The following AK4 variants were observed in gnomAD, a reference collection of about 807,000 sequenced individuals.
AK4 encodes the protein adenylate kinase 4, mitochondrial.
In AK4, 13 loss-of-function variants were observed where a neutral mutation model predicts 24.6. The observed-to-expected ratio is 0.53, with a 90% confidence interval of 0.34 to 0.84. The LOEUF (loss-of-function observed/expected upper bound fraction) is 0.84. Ranked by LOEUF, AK4 falls within the 40% of genes least tolerant of loss-of-function variation. AK4 has a pLI of 0.01. For missense variants in AK4, 192 were observed against 288.2 expected, an observed-to-expected ratio of 0.67 and a Z score of 2.42; for synonymous variants, 88 against 107.0, an observed-to-expected ratio of 0.82 and a Z score of 1.10.
chr1:65,180,601 T>C (rs1391417541), intron 1 of AK4, among the ~76,000 whole-genome samples: 1 of 152,226 alleles, frequency 6.6e-6, no homozygotes, highest in Non-Finnish European at 1.5e-5. Flanking sequence ...CTTATTTTCT[T>C]ACTGGAAGAG....
At chr1:65,202,956 C>T (rs1366706302) in intron 2 of AK4, among the ~76,000 whole-genome samples, 1 of 145,306 alleles carries the variant, frequency 6.9e-6, no homozygotes, top group Non-Finnish European at 1.5e-5. Flanking sequence ...ACTGCAGCCT[C>T]AAACTGGGTT....
At chr1:65,163,172 T>C (rs1650224583) in intron 1 of AK4, among the ~76,000 whole-genome samples, 1 of 152,204 alleles carries the variant, frequency 6.6e-6, no homozygotes, top group Admixed American at 6.5e-5. Flanking sequence ...TTTAATAGTT[T>C]GTGGAAGTGC....
chr1:65,198,397 A>G (rs1651552467), intron 2 of AK4, among the ~76,000 whole-genome samples: 1 of 152,212 alleles, frequency 6.6e-6, no homozygotes, highest in South Asian at 2.1e-4. Context: ...TCATTCAGTA[A>G]GCATTATTAT....
At chr1:65,150,285 C>CTCT (rs367583150) in intron 1 of AK4, among the ~76,000 whole-genome samples, 74 of 140,906 alleles carry the variant, frequency 5.3e-4, no homozygotes, top group African/African-American at 1.4e-3. Context: ...CTCTCTCTCT[C>CTCT]TTTTTTTTTT....
chr1:65,227,080 C>T lies in AK4; in HGVS notation c.*903C>T, dbSNP rs1652489525. The T allele has an allele frequency of 7.1e-6, 1 of 141,284 alleles. No homozygotes were observed. The highest frequency in any genetic ancestry group is 7.1e-5 in the Admixed American group (1 of 14,088). 8.8% of individuals were successfully genotyped at this position (141,284 alleles called of 1,614,324 possible). ...AAGTCTTTTGGGAATCCTCAAAAAG[C>T]ATGGGAAGTTAAGTATTTAGCTACA... On this transcript the variant is annotated 3_prime_UTR_variant, in exon 5 of 5. Coordinates refer to ENST00000327299, the MANE Select transcript of AK4 (RefSeq NM_013410.4).
intron 3 of AK4, among the ~76,000 whole-genome samples, chr1:65,220,931 G>A (rs1468319002): frequency 6.6e-6 from 1 of 152,116 alleles, no homozygotes; most frequent in East Asian, 1.9e-4. Flanking sequence ...CTGTATCCTG[G>A]GCTGGAACTG....
chr1:65,196,460 T>TTCTTG (rs1429262891), intron 2 of AK4, among the ~76,000 whole-genome samples: 1 of 152,088 alleles, frequency 6.6e-6, no homozygotes, highest in East Asian at 1.9e-4. Context: ...GTAAGAAATA[T>TTCTTG]TCTTGTTTTG....
At chr1:65,188,961 G>A (rs934835442) in intron 1 of AK4, among the ~76,000 whole-genome samples, 6 of 151,064 alleles carry the variant, frequency 4.0e-5, no homozygotes, top group South Asian at 2.1e-4. Context: ...TTTTTTTTGC[G>A]ATAGAGTCTT....
intron 1 of AK4, among the ~76,000 whole-genome samples, chr1:65,170,737 C>G (rs576489029): frequency 2.0e-5 from 3 of 152,134 alleles, no homozygotes; most frequent in African/African-American, 7.2e-5. Context: ...AATACTGGTT[C>G]TGTTCCTTGC....
chr1:65,172,062 A>AATAT (rs1406842262), intron 1 of AK4, among the ~76,000 whole-genome samples: 1 of 29,912 alleles, frequency 3.3e-5, no homozygotes, highest in Non-Finnish European at 9.3e-5. Flanking sequence ...CTCCATCTCA[A>AATAT]GTATATATAT....
chr1:65,221,429 G>A (rs942992686), intron 3 of AK4, among the ~76,000 whole-genome samples: 1 of 152,158 alleles, frequency 6.6e-6, no homozygotes, highest in African/African-American at 2.4e-5. Flanking sequence ...TCCTTTTGAA[G>A]TCTTCTTTTA....
intron 2 of AK4, among the ~76,000 whole-genome samples, chr1:65,216,419 C>T (rs375233456): frequency 4.6e-5 from 7 of 152,154 alleles, no homozygotes; most frequent in African/African-American, 7.2e-5. Flanking sequence ...CCATCATGCC[C>T]GGCCACTAAT....
intron 2 of AK4, among the ~76,000 whole-genome samples, chr1:65,213,639 C>T (rs753437422): frequency 6.6e-6 from 1 of 152,196 alleles, no homozygotes; most frequent in Non-Finnish European, 1.5e-5. Flanking sequence ...CTCCATGTGC[C>T]CAGCACTTTG....
chr1:65,167,859 A>G (rs1186642499), intron 1 of AK4, among the ~76,000 whole-genome samples: 2 of 152,202 alleles, frequency 1.3e-5, no homozygotes, highest in Admixed American at 6.5e-5. Flanking sequence ...ACTGTCATCC[A>G]TAAACTGTCA....
intron 1 of AK4, among the ~76,000 whole-genome samples, chr1:65,183,541 G>A (rs1003792113): frequency 2.0e-5 from 3 of 152,044 alleles, no homozygotes; most frequent in African/African-American, 7.2e-5. Flanking sequence ...CACTGTTCCC[G>A]GCCAATATTT....
At chr1:65,214,886 C>T (rs1652076695) in intron 2 of AK4, among the ~76,000 whole-genome samples, 1 of 152,162 alleles carries the variant, frequency 6.6e-6, no homozygotes, top group East Asian at 1.9e-4. Context: ...TCCCAGCTCA[C>T]TTCTGATGAA....
At chr1:65,189,288 T>TC (rs1553124538) in intron 1 of AK4, among the ~76,000 whole-genome samples, 526 of 63,374 alleles carry the variant, frequency 8.3e-3, no homozygotes, top group African/African-American at 0.045. Flanking sequence ...ATTCTCTCTC[T>TC]TTTTTTTTTT....
chr1:65,160,800 G>T (rs1414098195), intron 1 of AK4, among the ~76,000 whole-genome samples: 1 of 152,094 alleles, frequency 6.6e-6, no homozygotes, highest in Non-Finnish European at 1.5e-5. Context: ...TCACTATATT[G>T]CCCAGGCTGG....
chr1:65,216,364 T>A (rs1652130851), intron 2 of AK4, among the ~76,000 whole-genome samples: 1 of 152,174 alleles, frequency 6.6e-6, no homozygotes, highest in South Asian at 2.1e-4. Context: ...CCTCAAGTGA[T>A]CCACCGGCCT....
Sources: allele counts gnomAD v4.1 joint callset (sites outside exome capture counted in the v4.1 genomes callset), GRCh38; gene constraint gnomAD v4.1.1; transcripts MANE v1.5; gene names NCBI Gene and HGNC (gene_info 2026-07-23, HGNC 2026-07-21).